The following CACNA2D3 variants were observed in gnomAD, a reference collection of about 807,000 sequenced individuals.
CACNA2D3 encodes the protein voltage-dependent calcium channel subunit alpha-2/delta-3.
A neutral mutation model predicts 160.6 loss-of-function variants in CACNA2D3; 60 were observed. The ratio of observed to expected loss-of-function variants is 0.37; its 90% CI spans 0.30 to 0.46. The LOEUF (loss-of-function observed/expected upper bound fraction) is 0.46, where lower values mean the gene tolerates loss of function less well. CACNA2D3 is among the 20% of genes least tolerant of loss of function. The pLI is 1.00. For missense variants in CACNA2D3, 1,205 were observed against 1,365.0 expected (o/e 0.88, Z 1.85); for synonymous variants, 558 against 492.9 (o/e 1.13, Z -1.75).
At chr3:54,573,477 G>A (rs6783437) in intron 8 of CACNA2D3, among the ~76,000 whole-genome samples, 52,568 of 152,082 alleles carry the variant, frequency 0.35, 10,012 homozygotes, top group Non-Finnish European at 0.43. Flanking sequence ...TCGCAAAAAT[G>A]GATTCATATT....
intron 17 of CACNA2D3, among the ~76,000 whole-genome samples, chr3:54,854,081 G>C (rs748877526): frequency 6.6e-6 from 1 of 152,168 alleles, no homozygotes; most frequent in Non-Finnish European, 1.5e-5. Context: ...AACAGAGCCC[G>C]GGCGACTGCA....
At chr3:54,703,853 C>T (rs1208625268) in intron 11 of CACNA2D3, among the ~76,000 whole-genome samples, 1 of 152,150 alleles carries the variant, frequency 6.6e-6, no homozygotes, top group East Asian at 1.9e-4. Flanking sequence ...GAGATACTAA[C>T]AGAGAGCCGC....
At chr3:54,784,925 T>C (rs550659945) in intron 13 of CACNA2D3, among the ~76,000 whole-genome samples, 1 of 152,274 alleles carries the variant, frequency 6.6e-6, no homozygotes, top group South Asian at 2.1e-4. Context: ...CAAGAGTGGT[T>C]TTTGGAGGAC....
chr3:54,577,020 C>T (rs1036944023), intron 8 of CACNA2D3, among the ~76,000 whole-genome samples: 30 of 151,902 alleles, frequency 2.0e-4, no homozygotes, highest in East Asian at 3.9e-4. Flanking sequence ...CTGGGTGATA[C>T]GTGAGTGGGA....
intron 17 of CACNA2D3, among the ~76,000 whole-genome samples, chr3:54,846,852 A>T (rs1219657383): frequency 6.6e-6 from 1 of 152,206 alleles, no homozygotes; most frequent in Non-Finnish European, 1.5e-5. Context: ...GTCTAATTTG[A>T]CACGATAAAT....
At chr3:54,820,711 A>G (rs1391465569) in intron 14 of CACNA2D3, among the ~76,000 whole-genome samples, 4 of 152,202 alleles carry the variant, frequency 2.6e-5, no homozygotes, top group Non-Finnish European at 4.4e-5. Flanking sequence ...CCTGAATTCA[A>G]CAATGAAGAG....
intron 12 of CACNA2D3, among the ~76,000 whole-genome samples, chr3:54,763,012 C>T (rs183009386): frequency 6.7e-6 from 1 of 148,346 alleles, no homozygotes; most frequent in East Asian, 2.0e-4. Context: ...GGTGTGAACC[C>T]GGGAGGCGGA....
chr3:54,217,672 G>C (rs904405285), intron 2 of CACNA2D3, among the ~76,000 whole-genome samples: 3 of 152,190 alleles, frequency 2.0e-5, no homozygotes, highest in Non-Finnish European at 4.4e-5. Flanking sequence ...GCAGCCACCA[G>C]AAGCTGGAAG....
At chr3:54,618,640 T>C (rs938007158) in intron 9 of CACNA2D3, among the ~76,000 whole-genome samples, 2 of 152,146 alleles carry the variant, frequency 1.3e-5, no homozygotes, top group Non-Finnish European at 2.9e-5. Flanking sequence ...TGCTGAGCTT[T>C]CCCAGAAATG....
chr3:54,348,957 A>G lies in CACNA2D3; in HGVS notation c.321+28399A>G, dbSNP rs147717930. ...TGGCCAGGCTGGTCTTGAACTCCTGACCTTAAGTTATCCTCCTGCCTCAGC... is the reference window on the plus strand; with the variant it reads ...TGGCCAGGCTGGTCTTGAACTCCTGGCCTTAAGTTATCCTCCTGCCTCAGC... On this transcript the variant is annotated intron_variant, in intron 3 of 37. Coordinates refer to ENST00000474759, the MANE Select transcript of CACNA2D3 (RefSeq NM_018398.3). Among the ~76,000 whole-genome samples the G allele has an allele frequency of 1.3e-3, 191 of 152,176 alleles. 1 individual carries two copies. The highest frequency in any genetic ancestry group is 4.3e-3 in the African/African-American group (180 of 41,524).
intron 17 of CACNA2D3, among the ~76,000 whole-genome samples, chr3:54,852,002 A>G (rs1429115174): frequency 2.0e-5 from 3 of 152,188 alleles, no homozygotes; most frequent in South Asian, 4.1e-4. Flanking sequence ...CTTCTAGATA[A>G]AATGGATTAT....
At chr3:54,776,940 C>G (rs1004324351) in intron 13 of CACNA2D3, among the ~76,000 whole-genome samples, 1 of 152,194 alleles carries the variant, frequency 6.6e-6, no homozygotes, top group Admixed American at 6.5e-5. Flanking sequence ...TCCCCCACTT[C>G]ATGGCCCAGA....
At position 54,658,778 on chromosome 3, in the gene CACNA2D3, C is replaced by A. The variant is rs1699918130; in HGVS notation, c.1167+16537C>A. 2.0e-5 allele frequency among the ~76,000 whole-genome samples: 3 copies of A among 151,880 alleles called. No homozygotes were observed. In the South Asian group the frequency reaches 6.2e-4, roughly 32 times the overall value. On this transcript the variant is annotated intron_variant, in intron 11 of 37. Coordinates refer to ENST00000474759, the MANE Select transcript of CACNA2D3 (RefSeq NM_018398.3). Reference sequence around the variant, plus strand: ...AGGCTTCTGGTACCAAAGATCCCCCCAAACCTCCACTCACTCCCCGCTCAG... The same window carrying A: ...AGGCTTCTGGTACCAAAGATCCCCCAAAACCTCCACTCACTCCCCGCTCAG...
rs114228333 is a variant in CACNA2D3, at chr3:54,383,674, C to T, written c.322-3041C>T. Among the ~76,000 whole-genome samples the T allele has an allele frequency of 6.6e-3, 1,004 of 152,016 alleles. 11 individuals are homozygous for T. The highest frequency in any genetic ancestry group is 0.023 in the African/African-American group (959 of 41,460). Reference sequence around the variant, plus strand: ...AATCCAGAGATTAGCAAGGATGACACGCAAATTCGCGGAGTTCCCTATTAG... The same window carrying T: ...AATCCAGAGATTAGCAAGGATGACATGCAAATTCGCGGAGTTCCCTATTAG... On this transcript the variant is annotated intron_variant, in intron 3 of 37. Coordinates refer to ENST00000474759, the MANE Select transcript of CACNA2D3 (RefSeq NM_018398.3).
chr3:54,815,328 T>A (rs1412973994), intron 13 of CACNA2D3, among the ~76,000 whole-genome samples: 3 of 152,224 alleles, frequency 2.0e-5, no homozygotes, highest in Non-Finnish European at 4.4e-5. Context: ...CAATACCATT[T>A]TGGAGACATC....
At chr3:54,621,502 G>A (rs983151342) in intron 9 of CACNA2D3, among the ~76,000 whole-genome samples, 4 of 152,346 alleles carry the variant, frequency 2.6e-5, no homozygotes, top group East Asian at 3.9e-4. Flanking sequence ...TGCGTGAGTC[G>A]CTTGAAGCAA....
intron 5 of CACNA2D3, among the ~76,000 whole-genome samples, chr3:54,510,693 A>G (rs1226584075): frequency 2.0e-5 from 3 of 152,118 alleles, no homozygotes; most frequent in Non-Finnish European, 2.9e-5. Context: ...ATCCAGTGCT[A>G]TGAGTATCAG....
chr3:55,004,811 C>G lies in CACNA2D3; in HGVS notation c.2739C>G (p.Ser913Arg). 6.2e-7 allele frequency: 1 copy of G among 1,613,610 alleles called. No individual in the cohort carries two copies. Among genetic ancestry groups the G allele is most frequent in the Non-Finnish European group, 8.5e-7 (1 of 1,179,596 alleles). ...CCATGTGTAGAGCCAACAAGGAAAG[C>G]AGCGATGGCGCCCATGGCCTCCTGG... ...YQAMCRANKE[S>R]SDGAHGLLDP... Residue 913 changes from serine to arginine, a missense_variant, in exon 32 of 38, where the codon AGC becomes AGG. Physicochemically the swap from Ser to Arg is moderately radical, Grantham distance 110 (BLOSUM62 -1). Coordinates refer to ENST00000474759, the MANE Select transcript of CACNA2D3 (RefSeq NM_018398.3).
intron 4 of CACNA2D3, among the ~76,000 whole-genome samples, chr3:54,403,209 G>A (rs774292633): frequency 3.3e-5 from 5 of 151,966 alleles, no homozygotes; most frequent in African/African-American, 1.2e-4. Context: ...AAAAAAAGTA[G>A]CCGGTCTTGG....
Sources: allele counts gnomAD v4.1 joint callset (sites outside exome capture counted in the v4.1 genomes callset), GRCh38; gene constraint gnomAD v4.1.1; transcripts MANE v1.5; gene names NCBI Gene and HGNC (gene_info 2026-07-23, HGNC 2026-07-21).